GALNT13: variants seen among roughly 807,000 people sequenced by gnomAD.
The protein encoded by GALNT13 is polypeptide N-acetylgalactosaminyltransferase 13.
Under a neutral mutation model 64.2 loss-of-function variants are expected in GALNT13, and 28 were observed. The ratio of observed to expected loss-of-function variants is 0.44; its 90% CI spans 0.32 to 0.60. The LOEUF is 0.60. Among genes scored for constraint, GALNT13 ranks in the 20% least tolerant of loss-of-function variants. The pLI is 0.05. For synonymous variants in GALNT13, 214 were observed against 224.6 expected, an observed-to-expected ratio of 0.95 and a Z score of 0.42; for missense variants, 577 against 669.8, an observed-to-expected ratio of 0.86 and a Z score of 1.53.
the GALNT13 span, among the ~76,000 whole-genome samples, chr2:153,745,380 G>A: frequency 7.9e-5 from 12 of 152,250 alleles, no homozygotes; most frequent in Admixed American, 7.9e-4. Flanking sequence ...AGTTTCCTTA[G>A]CTATTTGATT....
chr2:153,561,641 CTGTGTGTG>C, the GALNT13 span, among the ~76,000 whole-genome samples: 4 of 146,470 alleles, frequency 2.7e-5, no homozygotes, highest in Non-Finnish European at 4.5e-5. Context: ...GATGTTCAAC[CTGTGTGTG>C]TGTGTGTGTG....
intron 4 of GALNT13, among the ~76,000 whole-genome samples, chr2:154,149,273 T>G (rs1683823499): frequency 6.6e-6 from 1 of 152,214 alleles, no homozygotes; most frequent in Non-Finnish European, 1.5e-5. Flanking sequence ...CTCTGTTCTA[T>G]TCCATTGATC....
chr2:154,026,821 A>G (rs1338235730), intron 3 of GALNT13, among the ~76,000 whole-genome samples: 1 of 152,176 alleles, frequency 6.6e-6, no homozygotes, highest in Non-Finnish European at 1.5e-5. Flanking sequence ...ACAGCTAGAC[A>G]TCAGTCTTGA....
the GALNT13 span, among the ~76,000 whole-genome samples, chr2:153,648,398 A>G: frequency 6.6e-6 from 1 of 152,180 alleles, no homozygotes; most frequent in Non-Finnish European, 1.5e-5. Context: ...ATATACAATC[A>G]TGTCATCTGC....
intron 3 of GALNT13, among the ~76,000 whole-genome samples, chr2:154,002,250 T>G (rs1695960724): frequency 6.6e-6 from 1 of 152,120 alleles, no homozygotes; most frequent in Non-Finnish European, 1.5e-5. Context: ...TTGTCTTAAA[T>G]AATCTTTCTA....
chr2:153,223,040 C>G, the GALNT13 span, among the ~76,000 whole-genome samples: 1 of 152,256 alleles, frequency 6.6e-6, no homozygotes, highest in African/African-American at 2.4e-5. Flanking sequence ...CTGCGCCTTC[C>G]CTGCTGCAGC....
chr2:154,452,197 C>G lies in GALNT13; in HGVS notation c.*1646C>G, dbSNP rs886456972. 1.3e-5 allele frequency: 2 copies of G among 151,922 alleles called. No homozygotes were observed. Among genetic ancestry groups the G allele is most frequent in the Non-Finnish European group, 2.9e-5 (2 of 67,968 alleles). The allele number at this position is 151,922 out of a possible 1,614,324, so 9.4% of individuals were successfully genotyped here. ...CCTCACCATGAGCTCTCTGTGAATCCGTGAATTTCCTAAAATTGTAAGCAA... is the reference window on the plus strand; with the variant it reads ...CCTCACCATGAGCTCTCTGTGAATCGGTGAATTTCCTAAAATTGTAAGCAA... On this transcript the variant is annotated 3_prime_UTR_variant, in exon 13 of 13. Transcript: ENST00000392825.
chr2:153,501,822 C>G, the GALNT13 span, among the ~76,000 whole-genome samples: 3 of 152,178 alleles, frequency 2.0e-5, no homozygotes, highest in Non-Finnish European at 4.4e-5. Context: ...ATAACTACAG[C>G]TTGGCTATCC....
chr2:154,318,919 A>G (rs950062528), intron 9 of GALNT13, among the ~76,000 whole-genome samples: 1 of 152,106 alleles, frequency 6.6e-6, no homozygotes, highest in Non-Finnish European at 1.5e-5. Flanking sequence ...AAATATATAT[A>G]CACACATATG....
At chr2:153,234,223 C>T in the GALNT13 span, among the ~76,000 whole-genome samples, 1 of 152,024 alleles carries the variant, frequency 6.6e-6, no homozygotes, top group Non-Finnish European at 1.5e-5. Context: ...ACCCTGAAGC[C>T]CAGCCCAGGA....
chr2:153,985,943 G>T (rs1694768782), intron 3 of GALNT13, among the ~76,000 whole-genome samples: 2 of 152,066 alleles, frequency 1.3e-5, no homozygotes, highest in Admixed American at 6.6e-5. Context: ...CAGCATAATT[G>T]TTCAGGTCAG....
chr2:153,951,864 G>A (rs1288513054), intron 3 of GALNT13, among the ~76,000 whole-genome samples: 2 of 152,114 alleles, frequency 1.3e-5, no homozygotes, highest in Non-Finnish European at 2.9e-5. Context: ...TTGTTACAGA[G>A]TCAGTATTAT....
the GALNT13 span, among the ~76,000 whole-genome samples, chr2:153,653,823 T>C: frequency 4.6e-5 from 7 of 152,194 alleles, no homozygotes; most frequent in Non-Finnish European, 1.0e-4. Context: ...AATCAAATAT[T>C]TGAAAAAATT....
At chr2:153,666,029 A>G in the GALNT13 span, among the ~76,000 whole-genome samples, 1 of 151,988 alleles carries the variant, frequency 6.6e-6, no homozygotes, top group Non-Finnish European at 1.5e-5. Flanking sequence ...CCATGGGATG[A>G]GGTTAGTATG....
the GALNT13 span, among the ~76,000 whole-genome samples, chr2:153,686,269 T>A: frequency 6.6e-6 from 1 of 152,202 alleles, no homozygotes; most frequent in South Asian, 2.1e-4. Context: ...TGATTCTTCC[T>A]ATCGAGGAGC....
the GALNT13 span, among the ~76,000 whole-genome samples, chr2:153,488,937 T>G: frequency 2.0e-5 from 3 of 152,196 alleles, no homozygotes; most frequent in Non-Finnish European, 2.9e-5. Context: ...TGTGAGGACA[T>G]AGCAAGCATA....
At chr2:153,796,244 A>G in the GALNT13 span, among the ~76,000 whole-genome samples, 22 of 152,348 alleles carry the variant, frequency 1.4e-4, no homozygotes, top group African/African-American at 5.3e-4. Context: ...GGGATGGCAC[A>G]GACTGGGAGA....
At chr2:153,533,890 C>G in the GALNT13 span, among the ~76,000 whole-genome samples, 1 of 151,338 alleles carries the variant, frequency 6.6e-6, no homozygotes, top group South Asian at 2.1e-4. Context: ...ATTTCCATCT[C>G]TATTCTTGTC....
At chr2:154,224,722 A>G (rs192044860) in intron 4 of GALNT13, among the ~76,000 whole-genome samples, 42 of 152,230 alleles carry the variant, frequency 2.8e-4, no homozygotes, top group Admixed American at 7.9e-4. Context: ...TAAAAGATAT[A>G]ATTTGACACA....
Sources: gnomAD v4.1 joint callset for allele counts (sites outside exome capture counted in the v4.1 genomes callset) on GRCh38, gnomAD v4.1.1 for gene constraint, MANE v1.5 for transcripts, NCBI Gene and HGNC (gene_info 2026-07-23, HGNC 2026-07-21) for gene names.